Variants in SLC24A2 observed in about 807,000 individuals in gnomAD.
The protein encoded by SLC24A2 is sodium/potassium/calcium exchanger 2.
Under a neutral mutation model 62.0 loss-of-function variants are expected in SLC24A2, and 36 were observed. The observed-to-expected ratio is 0.58, with a 90% CI of 0.44 to 0.77. SLC24A2 has a LOEUF of 0.77. Among genes scored for constraint, SLC24A2 ranks in the 30% least tolerant of loss-of-function variants. The probability of loss-of-function intolerance (pLI) is 0.00; values close to 1 mark genes in which losing one functional copy is unlikely to be tolerated. For synonymous variants in SLC24A2, 358 were observed against 294.0 expected (o/e 1.22, Z -2.23); for missense variants, 846 against 817.9 (o/e 1.03, Z -0.42).
At chr9:20,135,142 G>A in the SLC24A2 span, among the ~76,000 whole-genome samples, 1 of 152,082 alleles carries the variant, frequency 6.6e-6, no homozygotes, top group Non-Finnish European at 1.5e-5. Context: ...GCAGCCTGGT[G>A]GAGAAGACTG....
At chr9:20,227,378 T>C in the SLC24A2 span, among the ~76,000 whole-genome samples, 1 of 152,124 alleles carries the variant, frequency 6.6e-6, no homozygotes, top group East Asian at 1.9e-4. Context: ...CTTACTTGCA[T>C]CATCTTTGTG....
At chr9:19,834,241 C>T in the SLC24A2 span, among the ~76,000 whole-genome samples, 1 of 152,208 alleles carries the variant, frequency 6.6e-6, no homozygotes, top group African/African-American at 2.4e-5. Flanking sequence ...CTTTGACAAG[C>T]TGAGAGAAGA....
the SLC24A2 span, among the ~76,000 whole-genome samples, chr9:19,799,462 T>G: frequency 7.2e-4 from 109 of 152,336 alleles, 1 homozygote; most frequent in African/African-American, 2.5e-3. Context: ...CATCTTTTAC[T>G]GTGGTAAGTT....
At chr9:20,223,103 T>C in the SLC24A2 span, among the ~76,000 whole-genome samples, 1 of 151,866 alleles carries the variant, frequency 6.6e-6, no homozygotes, top group African/African-American at 2.4e-5. Flanking sequence ...GGATTAGCAA[T>C]AACCACATGG....
the SLC24A2 span, among the ~76,000 whole-genome samples, chr9:19,880,534 AAAG>A: frequency 1.3e-5 from 2 of 152,226 alleles, no homozygotes; most frequent in South Asian, 4.1e-4. Flanking sequence ...TTTAGTTTAT[AAAG>A]TCAATGTGAA....
chr9:19,530,233 C>A (rs1275930090), intron 8 of SLC24A2, among the ~76,000 whole-genome samples: 1 of 152,014 alleles, frequency 6.6e-6, no homozygotes, highest in Admixed American at 6.6e-5. Flanking sequence ...CAGGATCCTA[C>A]GTGCAATGAG....
intron 4 of SLC24A2, among the ~76,000 whole-genome samples, chr9:19,618,824 C>A (rs186226042): frequency 6.6e-6 from 1 of 152,068 alleles, no homozygotes; most frequent in African/African-American, 2.4e-5. Flanking sequence ...TATTTGAACC[C>A]CTTACTAGTG....
the SLC24A2 span, among the ~76,000 whole-genome samples, chr9:20,149,092 T>A: frequency 6.6e-6 from 1 of 152,000 alleles, no homozygotes; most frequent in Non-Finnish European, 1.5e-5. Flanking sequence ...TGTATCCAGG[T>A]TGATTATGAA....
In SLC24A2 at chr9:19,513,153, G is replaced by T. The variant is rs976869057; in HGVS notation, c.*3000C>A. ...TGTGTACATATAGATCTGGTATAAA[G>T]ATATATATATATATATATATATGTA... On this transcript the variant is annotated 3_prime_UTR_variant, in exon 11 of 11. Coordinates refer to ENST00000341998, the MANE Select transcript of SLC24A2 (RefSeq NM_020344.4). 41 of 80,560 alleles carry T rather than the reference G, an allele frequency of 5.1e-4. No individual in the cohort carries two copies. Among genetic ancestry groups the T allele is most frequent in the African/African-American group, 1.5e-3 (32 of 21,246 alleles). 5.0% of individuals were successfully genotyped at this position (80,560 alleles called of 1,614,324 possible). A position where few individuals can be genotyped will look rare whatever the true frequency, so the allele number is the denominator to read the frequency against.
chr9:19,922,511 C>T, the SLC24A2 span, among the ~76,000 whole-genome samples: 1 of 152,264 alleles, frequency 6.6e-6, no homozygotes, highest in East Asian at 1.9e-4. Flanking sequence ...ATGGGATTAT[C>T]CTTGGGGACT....
At chr9:20,248,097 G>A in the SLC24A2 span, among the ~76,000 whole-genome samples, 1 of 152,298 alleles carries the variant, frequency 6.6e-6, no homozygotes, top group African/African-American at 2.4e-5. Flanking sequence ...ATAACCGTGT[G>A]TTCTTGTTAA....
the SLC24A2 span, among the ~76,000 whole-genome samples, chr9:20,089,812 A>G: frequency 1.3e-5 from 2 of 151,854 alleles, no homozygotes; most frequent in Non-Finnish European, 2.9e-5. Context: ...AGCATACCAC[A>G]GAACACCACA....
the SLC24A2 span, among the ~76,000 whole-genome samples, chr9:20,217,246 A>G: frequency 1.3e-5 from 2 of 152,216 alleles, no homozygotes; most frequent in African/African-American, 2.4e-5. Flanking sequence ...CCATATATAT[A>G]AAATTTAAAA....
chr9:20,099,601 C>CCAGG, the SLC24A2 span, among the ~76,000 whole-genome samples: 1 of 152,060 alleles, frequency 6.6e-6, no homozygotes, highest in Non-Finnish European at 1.5e-5. Flanking sequence ...GTATTAAAGG[C>CCAGG]CAGGCTCTAA....
chr9:19,855,638 G>C, the SLC24A2 span, among the ~76,000 whole-genome samples: 1 of 152,202 alleles, frequency 6.6e-6, no homozygotes. Context: ...CTGGCTTGTA[G>C]GGTTTCTGCT....
the SLC24A2 span, among the ~76,000 whole-genome samples, chr9:20,276,783 G>C: frequency 6.6e-6 from 1 of 152,204 alleles, no homozygotes; most frequent in Non-Finnish European, 1.5e-5. Flanking sequence ...CTTGACTTCT[G>C]TATACCTGTG....
chr9:20,116,612 G>T, the SLC24A2 span, among the ~76,000 whole-genome samples: 1 of 152,088 alleles, frequency 6.6e-6, no homozygotes, highest in African/African-American at 2.4e-5. Flanking sequence ...ATTACTAAAT[G>T]AGAGTTCCTT....
chr9:19,682,942 A>G (rs1819764659), intron 2 of SLC24A2, among the ~76,000 whole-genome samples: 2 of 152,156 alleles, frequency 1.3e-5, no homozygotes, highest in Non-Finnish European at 2.9e-5. Context: ...GGATTAAAAA[A>G]CAAAACAAAA....
At chr9:19,519,114 G>A (rs1416755982) in intron 10 of SLC24A2, among the ~76,000 whole-genome samples, 1 of 152,112 alleles carries the variant, frequency 6.6e-6, no homozygotes, top group African/African-American at 2.4e-5. Context: ...GCCACAAAAT[G>A]TTATGAGCTA....
Sources: allele counts gnomAD v4.1 joint callset (sites outside exome capture counted in the v4.1 genomes callset), GRCh38; gene constraint gnomAD v4.1.1; transcripts MANE v1.5; gene names NCBI Gene and HGNC (gene_info 2026-07-23, HGNC 2026-07-21).